The following DGKQ variants were observed in gnomAD, a reference collection of about 807,000 sequenced individuals.
The protein encoded by DGKQ is DAG kinase theta.
Under a neutral mutation model 104.2 loss-of-function variants are expected in DGKQ, and 97 were observed. The ratio of observed to expected loss-of-function variants is 0.93; its 90% confidence interval spans 0.79 to 1.10. The LOEUF (loss-of-function observed/expected upper bound fraction) is 1.10, where lower values mean the gene tolerates loss of function less well. Ranked by LOEUF, DGKQ falls within the 50% of genes least tolerant of loss-of-function variation. The pLI, the probability that DGKQ is intolerant of heterozygous loss-of-function variation, is 0.00. For synonymous variants in DGKQ, 736 were observed against 595.2 expected, an observed-to-expected ratio of 1.24 and a Z score of -3.44; for missense variants, 1,465 against 1,352.1, an observed-to-expected ratio of 1.08 and a Z score of -1.31.
intron 10 of DGKQ, 43 bp downstream of exon 10, chr4:966,921 C>T (rs777683303): frequency 1.9e-6 from 3 of 1,548,904 alleles, no homozygotes; most frequent in Non-Finnish European, 1.7e-6. Context: ...AGCGACCCCC[C>T]ACCGAGTCTG....
intron 2 of DGKQ, among the ~76,000 whole-genome samples, chr4:969,174 C>A (rs915603239): frequency 6.6e-6 from 1 of 152,136 alleles, no homozygotes; most frequent in Non-Finnish European, 1.5e-5. Flanking sequence ...CAGGAACAAC[C>A]ACACCCCCGG....
chr4:963,800 G>A (rs1712075306), intron 15 of DGKQ, among the ~76,000 whole-genome samples: 2 of 152,220 alleles, frequency 1.3e-5, no homozygotes, highest in African/African-American at 4.8e-5. Context: ...ACAGGACAGA[G>A]TCCATCTCCC....
rs1038698936 is a variant in DGKQ, at chr4:959,200, G to C, written c.*1420C>G. 2 of 152,700 alleles carry C rather than the reference G, an allele frequency of 1.3e-5. No homozygotes were observed. Among genetic ancestry groups the C allele is most frequent in the Non-Finnish European group, 2.9e-5 (2 of 68,204 alleles). 9.5% of individuals were successfully genotyped at this position (152,700 alleles called of 1,614,324 possible). On this transcript the variant is annotated 3_prime_UTR_variant, in exon 23 of 23. Transcript: ENST00000273814. ...TGCAGTTTGGCAGATGCGGGGGGTC[G>C]GGGGATTAGTGGCATCAAGGGCCCC...
intron 13 of DGKQ, 56 bp downstream of exon 13, chr4:965,872 C>T: frequency 6.7e-7 from 1 of 1,501,922 alleles, no homozygotes; most frequent in East Asian, 2.4e-5. Context: ...GCCCCACTGC[C>T]TGCCGCTCGA....
chr4:962,357 G>T, intron 18 of DGKQ, 78 bp downstream of exon 18: 1 of 1,395,978 alleles, frequency 7.2e-7, no homozygotes, highest in Non-Finnish European at 9.6e-7. Context: ...TGGCTGGGAA[G>T]AGGACGCCCG....
Position 967,981 on chromosome 4 carries a change from C to T in DGKQ, c.710G>A (p.Gly237Glu). 6.8e-7 allele frequency: 1 copy of T among 1,477,990 alleles called. No homozygotes were observed. The highest frequency in any genetic ancestry group is 8.9e-7 in the Non-Finnish European group (1 of 1,123,162). The allele number at this position is 1,477,990 out of a possible 1,614,324, so 91.6% of individuals were successfully genotyped here. ...SAALAPECGFGRLRSLVLPPA... is the reference protein window; with the variant it reads ...SAALAPECGFERLRSLVLPPA... ...AGGCAGGACCAGGGAGCGCAGACGC[C>T]CGAAGCCACACTCGGGAGCCAGCGC... Residue 237 changes from glycine to glutamate, a missense_variant, in exon 6 of 23, where the codon GGG (glycine) becomes GAG (glutamate). Physicochemically the swap from Gly to Glu is moderately conservative, Grantham distance 98. Transcript: ENST00000273814.
chr4:971,044 G>A lies in DGKQ; in HGVS notation c.300C>T (p.Cys100=), dbSNP rs1162922711. ...TGCACGGGATCCTCACGTGCTTCAGGCACTTCTCATGAGACATGAAATTGC... is the reference window on the plus strand; with the variant it reads ...TGCACGGGATCCTCACGTGCTTCAGACACTTCTCATGAGACATGAAATTGC... The part of the protein sequence containing the change: ...DVCNFMSHEK[C]LKHVRIPCTS... Residue 100 remains cysteine, a synonymous_variant, in exon 2 of 23, where the codon TGC becomes TGT. Transcript: ENST00000273814. This position sits in a 1 kb window ranked among gnomAD's most constrained non-coding sequence, Gnocchi z 4.0. 1.9e-6 allele frequency: 3 copies of A among 1,557,744 alleles called. No individual in the cohort carries two copies. Among genetic ancestry groups the A allele is most frequent in the Non-Finnish European group, 1.7e-6 (2 of 1,150,276 alleles).
chr4:973,381 G>T lies in DGKQ; in HGVS notation c.102C>A (p.Arg34=). ...ACSPVLGSGG[R]ARPGPGPGPG... is the part of the protein sequence containing the mutation. ...GCCCCGGCCCCGGCCCCGGGCGCGC[G>T]CGGCCTCCTGAGCCCAGCACGGGGC... The change falls in exon 1 of 23, where the codon CGC becomes CGA. Residue 34 remains arginine (R), a synonymous_variant. Transcript: ENST00000273814. 1 of 1,116,994 alleles carries T rather than the reference G, an allele frequency of 9.0e-7. No individual in the cohort carries two copies. The highest frequency in any genetic ancestry group is 1.1e-6 in the Non-Finnish European group (1 of 918,284). The allele number at this position is 1,116,994 out of a possible 1,614,324, so 69.2% of individuals were successfully genotyped here. A position where few individuals can be genotyped will look rare whatever the true frequency, so the allele number is the denominator to read the frequency against.
At chr4:961,877 C>A (rs1268787900) in intron 19 of DGKQ, 43 bp from the exon 20 acceptor site, 49 of 1,595,956 alleles carry the variant, frequency 3.1e-5, no homozygotes, top group Non-Finnish European at 3.9e-5. Context: ...GGAAGCCCTA[C>A]CCCGCCTTAG....
In DGKQ at chr4:966,498, G is replaced by A; in HGVS notation, c.1396C>T (p.Pro466Ser). Residue 466 changes from proline (P) to serine (S), a missense_variant, in exon 12 of 23, where the codon CCC (proline) becomes TCC (serine). Pro to Ser is a moderately conservative substitution (Grantham distance 74, BLOSUM62 -1). Coordinates refer to ENST00000273814, the MANE Select transcript of DGKQ (RefSeq NM_001347.4). ...VQRTMLMDEQ[P>S]LLDRLQDIRQ... The stretch of plus-strand genomic sequence containing the variant: ...ATGTCCTGTAGCCGGTCCAGCAGGG[G>A]CTGTTCGTCCATCAGCATCGTCCGC... 6.2e-7 allele frequency: 1 copy of A among 1,612,576 alleles called. No homozygotes were observed. Among genetic ancestry groups the A allele is most frequent in the Non-Finnish European group, 8.5e-7 (1 of 1,179,746 alleles).
Position 968,016 on chromosome 4 carries a change from G to C in DGKQ, c.675C>G (p.Leu225=). ...ACTCGGGAGCCAGCGCCGCGGAGCAGAGGGAGTGCGCCTGGGGGGAGAAGG... is the reference window on the plus strand; with the variant it reads ...ACTCGGGAGCCAGCGCCGCGGAGCACAGGGAGTGCGCCTGGGGGGAGAAGG... ...CEWCGVQAHS[L]CSAALAPECG... is the part of the protein sequence containing the mutation. The change falls in exon 6 of 23, where the codon CTC becomes CTG. Residue 225 remains leucine (L), a synonymous_variant. Transcript: ENST00000273814. 7.0e-7 allele frequency: 1 copy of C among 1,438,496 alleles called. No individual in the cohort carries two copies. 89.1% of individuals were successfully genotyped at this position (1,438,496 alleles called of 1,614,324 possible). A position where few individuals can be genotyped will look rare whatever the true frequency, so the allele number is the denominator to read the frequency against.
At chr4:964,225 T>C (rs745804349) in intron 15 of DGKQ, 7 of 154,078 alleles carry the variant, frequency 4.5e-5, no homozygotes, top group Non-Finnish European at 8.8e-5. Flanking sequence ...CAAGGCCGGG[T>C]GTAGGGGCAC....
Position 968,880 on chromosome 4 carries a change from C to T in DGKQ, c.382G>A (p.Gly128Arg), listed in dbSNP as rs778077536. ...VPVAHCFGPR[G>R]LHKRKFCAVC... Reference sequence around the variant, plus strand: ...GCACAGAACTTGCGCTTGTGGAGCCCCCGGGGGCCGAAGCAGTGGGCTACA... The same window carrying T: ...GCACAGAACTTGCGCTTGTGGAGCCTCCGGGGGCCGAAGCAGTGGGCTACA... The change falls in exon 3 of 23, where the codon GGG (glycine) becomes AGG (arginine). Residue 128 changes from glycine (G) to arginine (R), a missense_variant. Physicochemically the swap from Gly to Arg is moderately radical, Grantham distance 125. Transcript: ENST00000273814. 8 of 1,602,530 alleles carry T rather than the reference C, an allele frequency of 5.0e-6. No homozygotes were observed. The South Asian group carries it at 5.5e-5, about 11-fold the overall frequency.
chr4:960,862 G>A, intron 22 of DGKQ, 141 bp from the exon 23 acceptor site: 1 of 1,476,854 alleles, frequency 6.8e-7, no homozygotes, highest in Non-Finnish European at 9.0e-7. Flanking sequence ...CTGTCTGGCT[G>A]CTCCCTGTGC....
chr4:971,418 G>C lies in DGKQ; in HGVS notation c.272-346C>G, dbSNP rs1197457741. On this transcript the variant is annotated intron_variant, in intron 1 of 22. Coordinates refer to ENST00000273814, the MANE Select transcript of DGKQ (RefSeq NM_001347.4). This position sits in a 1 kb window ranked among gnomAD's most constrained non-coding sequence, Gnocchi z 4.0. Reference sequence around the variant, plus strand: ...CTGGGCTCACCAGGTTCGCCAGGTGGCAGGGGCTTCTCGGCCTTCGGCAGA... The same window carrying C: ...CTGGGCTCACCAGGTTCGCCAGGTGCCAGGGGCTTCTCGGCCTTCGGCAGA... Among the ~76,000 whole-genome samples the C allele has an allele frequency of 6.6e-6, 1 of 152,236 alleles. No homozygotes were observed. The highest frequency in any genetic ancestry group is 1.5e-5 in the Non-Finnish European group (1 of 68,036).
At chr4:969,304 A>G (rs1020825947) in intron 2 of DGKQ, among the ~76,000 whole-genome samples, 2 of 152,212 alleles carry the variant, frequency 1.3e-5, no homozygotes, top group African/African-American at 4.8e-5. Context: ...GGGGCAGGCG[A>G]GGCTCTGTCG....
In DGKQ at chr4:961,447, C is replaced by G. The variant is rs751316899; in HGVS notation, c.2574+20G>C. The stretch of plus-strand genomic sequence containing the variant: ...GGACGCCCACCCTGGGCTCGCCCGC[C>G]CACTCGGCCGGCGGCTCACCATGTG... On this transcript the variant is annotated intron_variant, in intron 21 of 22. Coordinates refer to ENST00000273814, the MANE Select transcript of DGKQ (RefSeq NM_001347.4). The G allele has an allele frequency of 1.3e-6, 2 of 1,574,036 alleles. No individual in the cohort carries two copies. Among genetic ancestry groups the G allele is most frequent in the East Asian group, 4.8e-5 (2 of 42,102 alleles).
intron 1 of DGKQ, 90 bp downstream of exon 1, chr4:973,122 C>G (rs1254272572): frequency 6.7e-6 from 9 of 1,345,186 alleles, no homozygotes; most frequent in Middle Eastern, 2.7e-4. Context: ...TCCACTCCCC[C>G]GAAAGCGCCG....
In DGKQ at chr4:967,899, G is replaced by A. The variant is rs981025853; in HGVS notation, c.792C>T (p.Ile264=). ...GGFSKTQSFR[I]VEAAEPGEGG... is the part of the protein sequence containing the mutation. ...CCTCACCCGGCTCCGCGGCCTCCAC[G>A]ATGCGGAAGCTCTGCGTCTTGCTGA... is the stretch of plus-strand genomic sequence containing the variant. Residue 264 remains isoleucine (I), a synonymous_variant, in exon 6 of 23, where the codon ATC becomes ATT. Transcript: ENST00000273814. 2.8e-5 allele frequency: 41 copies of A among 1,452,044 alleles called. No individual in the cohort carries two copies. Among genetic ancestry groups the A allele is most frequent in the Non-Finnish European group, 3.6e-5 (40 of 1,110,384 alleles). 89.9% of individuals were successfully genotyped at this position (1,452,044 alleles called of 1,614,324 possible).
Sources: allele counts gnomAD v4.1 joint callset (sites outside exome capture counted in the v4.1 genomes callset), GRCh38; gene constraint gnomAD v4.1.1; non-coding constraint Gnocchi (gnomAD v3.1); transcripts MANE v1.5; gene names NCBI Gene and HGNC (gene_info 2026-07-23, HGNC 2026-07-21).